MTG1: variants seen among roughly 807,000 people sequenced by gnomAD.
MTG1 encodes the protein mitochondrial ribosome associated GTPase 1.
Under a neutral mutation model 39.5 loss-of-function variants are expected in MTG1, and 30 were observed. The ratio of observed to expected loss-of-function variants is 0.76; its 90% confidence interval spans 0.57 to 1.03. The LOEUF (loss-of-function observed/expected upper bound fraction) is 1.03, where lower values mean the gene tolerates loss of function less well. MTG1 is among the 50% of genes least tolerant of loss of function. MTG1 has a pLI of 0.00. For synonymous variants in MTG1, 217 were observed against 179.0 expected, an observed-to-expected ratio of 1.21 and a Z score of -1.69; for missense variants, 513 against 447.4, an observed-to-expected ratio of 1.15 and a Z score of -1.32.
rs569744854 is a variant in MTG1, at chr10:133,395,954, A to G, written c.177+177A>G. The stretch of plus-strand genomic sequence containing the variant: ...TTGAAACTTCATTGTTAATACATAT[A>G]TCTGCGTCACTCAAGCCTGACGGTA... On this transcript the variant is annotated intron_variant, in intron 2 of 10. Transcript: ENST00000317502. Among the ~76,000 whole-genome samples the G allele has an allele frequency of 7.5e-4, 114 of 152,348 alleles. 1 individual carries two copies. The highest frequency in any genetic ancestry group is 2.7e-3 in the African/African-American group (111 of 41,582).
Position 133,396,148 on chromosome 10 carries a change from C to T in MTG1, c.178-15C>T, listed in dbSNP as rs780489398. ...TGGTAAAGCTTTGGAGGAATTTTTA[C>T]CTTAATTTTGCCACATCCCACTTTC... is the stretch of plus-strand genomic sequence containing the variant. On this transcript the variant is annotated splice_polypyrimidine_tract_variant and intron_variant, in intron 2 of 10. Coordinates refer to ENST00000317502, the MANE Select transcript of MTG1 (RefSeq NM_138384.4). 2 of 1,612,720 alleles carry T rather than the reference C, an allele frequency of 1.2e-6. No homozygotes were observed. The highest frequency in any genetic ancestry group is 1.7e-6 in the Non-Finnish European group (2 of 1,178,908).
intron 3 of MTG1, among the ~76,000 whole-genome samples, chr10:133,396,732 T>C (rs1849788978): frequency 6.6e-6 from 1 of 152,234 alleles, no homozygotes; most frequent in African/African-American, 2.4e-5. Flanking sequence ...ATTATAATTC[T>C]TGCTCTATAA....
At chr10:133,395,563 GTT>G in intron 1 of MTG1, 148 bp from the exon 2 acceptor site, 1 of 734,438 alleles carries the variant, frequency 1.4e-6, no homozygotes, top group Non-Finnish European at 2.3e-6. Context: ...CTCAGCGGAT[GTT>G]ATCTGTTACC....
In MTG1 at chr10:133,410,856, T is replaced by C. The variant is rs752381270; in HGVS notation, c.752+8083T>C. Among the ~76,000 whole-genome samples the C allele has an allele frequency of 1.4e-4, 21 of 152,252 alleles. 1 individual carries two copies. Among genetic ancestry groups the C allele is most frequent in the Admixed American group, 1.1e-3 (17 of 15,286 alleles). On this transcript the variant is annotated intron_variant, in intron 9 of 10. Coordinates refer to ENST00000317502, the MANE Select transcript of MTG1 (RefSeq NM_138384.4). ...AAACAAAGGAGAAACTGAAGAATTC[T>C]GTACTTTAACTGCATCTTTCCCCCA...
At chr10:133,395,299 G>T (rs888326114) in intron 1 of MTG1, among the ~76,000 whole-genome samples, 1 of 152,214 alleles carries the variant, frequency 6.6e-6, no homozygotes, top group Non-Finnish European at 1.5e-5. Context: ...GGAGGCTGAG[G>T]CAGGAGAATT....
intron 10 of MTG1, 60 bp downstream of exon 10, chr10:133,419,652 G>C: frequency 1.4e-6 from 2 of 1,398,810 alleles, no homozygotes; most frequent in South Asian, 1.2e-5. Context: ...GGGGACCCCG[G>C]CCATCCCTGG....
At chr10:133,405,272 T>C (rs1849953969) in intron 9 of MTG1, among the ~76,000 whole-genome samples, 1 of 152,278 alleles carries the variant, frequency 6.6e-6, no homozygotes, top group Admixed American at 6.5e-5. Flanking sequence ...CTAAGATTTA[T>C]CTTTTGATAC....
At chr10:133,405,434 C>T (rs1042222379) in intron 9 of MTG1, among the ~76,000 whole-genome samples, 1 of 152,134 alleles carries the variant, frequency 6.6e-6, no homozygotes, top group Non-Finnish European at 1.5e-5. Flanking sequence ...TTGAAATATC[C>T]TGTAGATTCC....
intron 1 of MTG1, chr10:133,394,577 G>A: frequency 7.6e-7 from 1 of 1,323,534 alleles, no homozygotes; most frequent in Non-Finnish European, 9.6e-7. Flanking sequence ...TCGGACCCAG[G>A]GCCTGCTTGA....
At chr10:133,395,974 A>T (rs142843551) in intron 2 of MTG1, among the ~76,000 whole-genome samples, 189 bp from the exon 3 acceptor site, 71 of 152,312 alleles carry the variant, frequency 4.7e-4, no homozygotes, top group African/African-American at 1.7e-3. Flanking sequence ...CTCAAGCCTG[A>T]CGGTACGGTG....
At chr10:133,416,005 C>CGGGTGTCGGGCACGT (rs1850124064) in intron 9 of MTG1, among the ~76,000 whole-genome samples, 2 of 137,458 alleles carry the variant, frequency 1.5e-5, no homozygotes, top group Non-Finnish European at 3.1e-5. Context: ...GTCGGGCAGG[C>CGGGTGTCGGGCACGT]GGGTGTCGGG....
At chr10:133,411,736 C>T (rs947625278) in intron 9 of MTG1, among the ~76,000 whole-genome samples, 1 of 151,702 alleles carries the variant, frequency 6.6e-6, no homozygotes, top group Non-Finnish European at 1.5e-5. Flanking sequence ...CTGTTGAGAG[C>T]CTCTAATATA....
At position 133,411,822 on chromosome 10, in the gene MTG1, TTGTC is replaced by T. The variant is rs1850051622; in HGVS notation, c.753-7655_753-7652del. On this transcript the variant is annotated intron_variant, in intron 9 of 10. Transcript: ENST00000317502. ...TTTTTAATTTCAATCTCTGTTAAATTTGTCTGACAAATTTGTGAGTTGTTTTTCT... is the reference window on the plus strand; with the variant it reads ...TTTTTAATTTCAATCTCTGTTAAATTTGACAAATTTGTGAGTTGTTTTTCT... 2.0e-5 allele frequency among the ~76,000 whole-genome samples: 3 copies of T among 152,210 alleles called. No homozygotes were observed. In the South Asian group the frequency reaches 6.2e-4, roughly 32 times the overall value.
chr10:133,419,224 G>A lies in MTG1; in HGVS notation c.753-256G>A, dbSNP rs147087750. Reference sequence around the variant, plus strand: ...GCTGCGGCAAGGGCTCCGGTGGTGGGAGCCGCCCCCCATGCTGCTGGCCGT... The same window carrying A: ...GCTGCGGCAAGGGCTCCGGTGGTGGAAGCCGCCCCCCATGCTGCTGGCCGT... On this transcript the variant is annotated intron_variant, in intron 9 of 10. Coordinates refer to ENST00000317502, the MANE Select transcript of MTG1 (RefSeq NM_138384.4). Among the ~76,000 whole-genome samples the A allele has an allele frequency of 6.5e-3, 987 of 152,286 alleles. 4 individuals are homozygous for A. The highest frequency in any genetic ancestry group is 0.02 in the African/African-American group (848 of 41,546).
At chr10:133,407,078 C>T (rs1416518712) in intron 9 of MTG1, among the ~76,000 whole-genome samples, 1 of 152,164 alleles carries the variant, frequency 6.6e-6, no homozygotes, top group East Asian at 1.9e-4. Flanking sequence ...AGTGTATGTT[C>T]TTGGCACTTT....
chr10:133,419,627 C>T lies in MTG1; in HGVS notation c.865+35C>T, dbSNP rs574253179. On this transcript the variant is annotated intron_variant, in intron 10 of 10. Transcript: ENST00000317502. The stretch of plus-strand genomic sequence containing the variant: ...GTCGCTGATGCGGGCACCGGAGCCT[C>T]ACCCCATCACCCTGGGGGACCCCGG... 53 of 1,530,864 alleles carry T rather than the reference C, an allele frequency of 3.5e-5. No homozygotes were observed. In the Middle Eastern group the frequency reaches 1.0e-3, roughly 29 times the overall value. The allele number at this position is 1,530,864 out of a possible 1,614,324, so 94.8% of individuals were successfully genotyped here.
chr10:133,418,520 C>T (rs1589920241), intron 9 of MTG1, among the ~76,000 whole-genome samples: 3 of 151,912 alleles, frequency 2.0e-5, no homozygotes, highest in African/African-American at 7.3e-5. Context: ...CACCAGGGCA[C>T]CCTTGAGGCT....
intron 9 of MTG1, among the ~76,000 whole-genome samples, chr10:133,415,961 C>T (rs893859814): frequency 7.7e-5 from 11 of 142,060 alleles, no homozygotes; most frequent in East Asian, 2.2e-4. Context: ...ATCAGGCACG[C>T]GGGTGTCGGG....
At position 133,394,178 on chromosome 10, in the gene MTG1, A is replaced by C; in HGVS notation, c.-43A>C. On this transcript the variant is annotated 5_prime_UTR_variant, in exon 1 of 11. Transcript: ENST00000317502. ...CCTCAGAGGCGGGTCGCAGCGGCGC[A>C]GAGGAGGTCAGCTGCGGGAGCGTTT... is the stretch of plus-strand genomic sequence containing the variant. 7.0e-7 allele frequency: 1 copy of C among 1,428,870 alleles called. No homozygotes were observed. Among genetic ancestry groups the C allele is most frequent in the Non-Finnish European group, 9.4e-7 (1 of 1,063,990 alleles). 88.5% of individuals were successfully genotyped at this position (1,428,870 alleles called of 1,614,324 possible). A position where few individuals can be genotyped will look rare whatever the true frequency, so the allele number is the denominator to read the frequency against.
Sources: gnomAD v4.1 joint callset for allele counts (sites outside exome capture counted in the v4.1 genomes callset) on GRCh38, gnomAD v4.1.1 for gene constraint, MANE v1.5 for transcripts, NCBI Gene and HGNC (gene_info 2026-07-23, HGNC 2026-07-21) for gene names.